The following TBC1D9B variants were observed in gnomAD, a reference collection of about 807,000 sequenced individuals.
TBC1D9B encodes the protein TBC1 domain family, member 9B (with GRAM domain).
A neutral mutation model predicts 121.1 loss-of-function variants in TBC1D9B; 87 were observed. That is an observed-to-expected ratio of 0.72 (90% confidence interval 0.60 to 0.86). The LOEUF (loss-of-function observed/expected upper bound fraction) is 0.86. TBC1D9B is among the 40% of genes least tolerant of loss of function. TBC1D9B has a pLI of 0.00. For synonymous variants in TBC1D9B, 668 were observed against 670.1 expected (o/e 1.00, Z 0.05); for missense variants, 1,540 against 1,628.6 (o/e 0.95, Z 0.94).
intron 6 of TBC1D9B, among the ~76,000 whole-genome samples, chr5:179,888,629 G>A (rs1467008904): frequency 6.6e-6 from 1 of 152,184 alleles, no homozygotes; most frequent in East Asian, 1.9e-4. Flanking sequence ...AGCAGGGCAA[G>A]CAGTCCCTTG....
chr5:179,867,629 G>T, intron 18 of TBC1D9B, 149 bp downstream of exon 18: 1 of 1,480,288 alleles, frequency 6.8e-7, no homozygotes, highest in Non-Finnish European at 9.3e-7. Context: ...GCATGGCAGA[G>T]CCCAGCCCGT....
rs752613145 is a variant in TBC1D9B, at chr5:179,863,643, C to T, written c.3507G>A (p.Ala1169=). 44 of 1,613,728 alleles carry T rather than the reference C, an allele frequency of 2.7e-5. No homozygotes were observed. In the East Asian group the frequency reaches 3.3e-4, roughly 12 times the overall value. The change falls in exon 21 of 21, where the codon GCG becomes GCA. Residue 1169 remains alanine (A), a synonymous_variant. Transcript: ENST00000355235. The surrounding 1 kb of genome is among the most constrained non-coding windows in gnomAD (Gnocchi z 4.5). ...CGGTGTCGACGGTGCCGCCGATGCG[C>T]GCTGTGGGGCTGCAGGCCTCCCCGC... ...LVGGEACSPT[A]RIGGTVDTDW...
intron 2 of TBC1D9B, among the ~76,000 whole-genome samples, chr5:179,901,847 T>C (rs1052711470): frequency 2.0e-5 from 3 of 152,260 alleles, no homozygotes; most frequent in Non-Finnish European, 4.4e-5. Flanking sequence ...ACTAAGAAAC[T>C]ATTCCATCTC....
At chr5:179,889,735 G>C (rs1760804863) in intron 6 of TBC1D9B, among the ~76,000 whole-genome samples, 1 of 151,980 alleles carries the variant, frequency 6.6e-6, no homozygotes, top group Admixed American at 6.6e-5. Flanking sequence ...ACAGCTAGGT[G>C]TGGTGGCAAG....
chr5:179,905,709 T>C (rs1761292481), intron 1 of TBC1D9B, among the ~76,000 whole-genome samples: 1 of 152,250 alleles, frequency 6.6e-6, no homozygotes, highest in Admixed American at 6.5e-5. Flanking sequence ...GATTCACTAA[T>C]TGAATTATCG....
chr5:179,871,265 A>G (rs533697908), intron 15 of TBC1D9B, among the ~76,000 whole-genome samples, 197 bp downstream of exon 15: 1 of 152,210 alleles, frequency 6.6e-6, no homozygotes, highest in Non-Finnish European at 1.5e-5. Context: ...GGTCCTGCCT[A>G]AACTCCAAGA....
chr5:179,873,148 T>C lies in TBC1D9B; in HGVS notation c.2287A>G (p.Ile763Val), dbSNP rs1021806150. ...TAGGACACTTTCAGGAGCTCAAAGA[T>C]GTCCACCTCTGCAGGGGGGTCATCG... ...SSDDPPAEVD[I>V]FELLKVSYEK... is the part of the protein sequence containing the mutation. The change falls in exon 13 of 21, where the codon ATC becomes GTC. Residue 763 changes from isoleucine (I) to valine (V), a missense_variant. By Grantham distance (29) the Ile-to-Val change is conservative. Transcript: ENST00000355235. 8 of 1,612,428 alleles carry C rather than the reference T, an allele frequency of 5.0e-6. No individual in the cohort carries two copies. The highest frequency in any genetic ancestry group is 4.4e-5 in the South Asian group (4 of 90,862).
chr5:179,867,628 A>C, intron 18 of TBC1D9B, 150 bp downstream of exon 18: 1 of 1,481,490 alleles, frequency 6.7e-7, no homozygotes, highest in Non-Finnish European at 9.3e-7. Context: ...AGCATGGCAG[A>C]GCCCAGCCCG....
intron 3 of TBC1D9B, among the ~76,000 whole-genome samples, chr5:179,897,838 T>C (rs909055576): frequency 1.3e-5 from 2 of 152,210 alleles, no homozygotes; most frequent in Non-Finnish European, 2.9e-5. Flanking sequence ...AGGTCTCACC[T>C]TGAACCCCAA....
In TBC1D9B at chr5:179,904,847, G is replaced by A; in HGVS notation, c.119-35C>T. 1 of 1,509,868 alleles carries A rather than the reference G, an allele frequency of 6.6e-7. No individual in the cohort carries two copies. The highest frequency in any genetic ancestry group is 9.0e-7 in the Non-Finnish European group (1 of 1,116,798). 93.5% of individuals were successfully genotyped at this position (1,509,868 alleles called of 1,614,324 possible). On this transcript the variant is annotated intron_variant, in intron 1 of 20. Transcript: ENST00000355235. The surrounding 1 kb of genome is among the most constrained non-coding windows in gnomAD (Gnocchi z 4.2). ...GGGCAGAGAGACATAGAGGGTGAGGGGAGGGCCGGACTGAGGCCCCTGAAG... is the reference window on the plus strand; with the variant it reads ...GGGCAGAGAGACATAGAGGGTGAGGAGAGGGCCGGACTGAGGCCCCTGAAG...
rs566462439 is a variant in TBC1D9B, at chr5:179,875,284, C to T, written c.1901-97G>A. 1,351 of 1,447,568 alleles carry T rather than the reference C, an allele frequency of 9.3e-4. 3 individuals carry two copies. The highest frequency in any genetic ancestry group is 1.1e-3 in the Non-Finnish European group (1,210 of 1,085,294). The allele number at this position is 1,447,568 out of a possible 1,614,324, so 89.7% of individuals were successfully genotyped here. On this transcript the variant is annotated intron_variant, in intron 11 of 20. Coordinates refer to ENST00000355235, the MANE Select transcript of TBC1D9B (RefSeq NM_015043.4). The surrounding 1 kb of genome is among the most constrained non-coding windows in gnomAD (Gnocchi z 4.5). ...CGAGCCCTGGCCACTCCAGCCCTGCCAGCTGTGCAGTGAGGGCTGAGGGAG... is the reference window on the plus strand; with the variant it reads ...CGAGCCCTGGCCACTCCAGCCCTGCTAGCTGTGCAGTGAGGGCTGAGGGAG...
intron 16 of TBC1D9B, 151 bp from the exon 17 acceptor site, chr5:179,869,985 C>T (rs1376303751): frequency 4.2e-6 from 4 of 945,628 alleles, no homozygotes; most frequent in Non-Finnish European, 4.6e-6. Context: ...GTCTCCCTGG[C>T]GTCCTGCTGG....
At chr5:179,893,491 C>A (rs771951936) in intron 4 of TBC1D9B, 24 bp from the exon 5 acceptor site, 1 of 1,570,392 alleles carries the variant, frequency 6.4e-7, no homozygotes, top group Admixed American at 1.8e-5. Flanking sequence ...GATAGACACA[C>A]CGCAAGTTAG....
In TBC1D9B at chr5:179,867,706, G is replaced by A. The variant is rs373390326; in HGVS notation, c.2863+72C>T. ...CAGGTGGGACTGCTGGCCACTGCCCGAGCCCCACAGGAAGGCGGCGGTGGC... is the reference window on the plus strand; with the variant it reads ...CAGGTGGGACTGCTGGCCACTGCCCAAGCCCCACAGGAAGGCGGCGGTGGC... On this transcript the variant is annotated intron_variant, in intron 18 of 20. Transcript: ENST00000355235. 1.0e-4 allele frequency: 162 copies of A among 1,596,006 alleles called. No individual in the cohort carries two copies. The South Asian group carries it at 1.7e-3, about 16-fold the overall frequency.
rs752868244 is a variant in TBC1D9B at position 179,870,405 on chromosome 5, T to C, written c.2575A>G (p.Ile859Val). The C allele has an allele frequency of 1.9e-6, 3 of 1,613,560 alleles. No individual in the cohort carries two copies. The highest frequency in any genetic ancestry group is 3.3e-5 in the Admixed American group (2 of 60,014). ...PSLPYLEQYRIDASQFRELFA... is the reference protein window; with the variant it reads ...PSLPYLEQYRVDASQFRELFA... ...AGTTCCCGGAACTGGCTGGCATCAATCCGGTACTGCTCCAGGTAGGGCAGG... is the reference window on the plus strand; with the variant it reads ...AGTTCCCGGAACTGGCTGGCATCAACCCGGTACTGCTCCAGGTAGGGCAGG... The change falls in exon 16 of 21, where the codon ATT becomes GTT. Residue 859 changes from isoleucine to valine, a missense_variant. Ile to Val is a conservative substitution (Grantham distance 29). Coordinates refer to ENST00000355235, the MANE Select transcript of TBC1D9B (RefSeq NM_015043.4).
intron 14 of TBC1D9B, 81 bp from the exon 15 acceptor site, chr5:179,871,611 C>T (rs772175047): frequency 1.1e-5 from 16 of 1,491,326 alleles, no homozygotes; most frequent in East Asian, 2.3e-5. Context: ...AGAGCATCCT[C>T]GGCAGACAAG....
Position 179,873,172 on chromosome 5 carries a change from C to A in TBC1D9B, c.2263G>T (p.Asp755Tyr). 1.2e-6 allele frequency: 2 copies of A among 1,613,194 alleles called. No individual in the cohort carries two copies. The highest frequency in any genetic ancestry group is 8.5e-7 in the Non-Finnish European group (1 of 1,179,694). The change falls in exon 13 of 21, where the codon GAT (aspartate) becomes TAT (tyrosine). Residue 755 changes from aspartate (D) to tyrosine (Y), a missense_variant. Physicochemically the swap from Asp to Tyr is radical, Grantham distance 160. Coordinates refer to ENST00000355235, the MANE Select transcript of TBC1D9B (RefSeq NM_015043.4). ...PHLRALLSSS[D>Y]DPPAEVDIFE... ...ATGTCCACCTCTGCAGGGGGGTCAT[C>A]GCTGCTGCTCAGCAAGGCACGGAGG...
chr5:179,891,231 A>G lies in TBC1D9B; in HGVS notation c.1044+148T>C. Reference sequence around the variant, plus strand: ...TTGTCCTACACCCTCCACCTGTCCCATCACTGAGTGACATGTGACTGCCTG... The same window carrying G: ...TTGTCCTACACCCTCCACCTGTCCCGTCACTGAGTGACATGTGACTGCCTG... On this transcript the variant is annotated intron_variant, in intron 6 of 20. Transcript: ENST00000355235. The surrounding 1 kb of genome is among the most constrained non-coding windows in gnomAD (Gnocchi z 4.3). 2.3e-6 allele frequency: 2 copies of G among 868,946 alleles called. No homozygotes were observed. Among genetic ancestry groups the G allele is most frequent in the Non-Finnish European group, 3.6e-6 (2 of 552,486 alleles). The allele number at this position is 868,946 out of a possible 1,614,324, so 53.8% of individuals were successfully genotyped here. A position where few individuals can be genotyped will look rare whatever the true frequency, so the allele number is the denominator to read the frequency against.
rs269469 is a variant in TBC1D9B at position 179,873,131 on chromosome 5, T to C, written c.2304A>G (p.Lys768=). The change falls in exon 13 of 21, where the codon AAA becomes AAG. Residue 768 remains lysine (K), a synonymous_variant. Coordinates refer to ENST00000355235, the MANE Select transcript of TBC1D9B (RefSeq NM_015043.4). ...ACTGGGTGCTGACCTCATAGGACACTTTCAGGAGCTCAAAGATGTCCACCT... is the reference window on the plus strand; with the variant it reads ...ACTGGGTGCTGACCTCATAGGACACCTTCAGGAGCTCAAAGATGTCCACCT... The part of the protein sequence containing the change: ...PAEVDIFELL[K]VSYEKFSSLR... The C allele has an allele frequency of 0.02, 32,492 of 1,611,446 alleles. 5,524 individuals are homozygous for C. In the African/African-American group the frequency reaches 0.37, roughly 19 times the overall value.
Sources: allele counts gnomAD v4.1 joint callset (sites outside exome capture counted in the v4.1 genomes callset), GRCh38; gene constraint gnomAD v4.1.1; non-coding constraint Gnocchi (gnomAD v3.1); transcripts MANE v1.5; gene names NCBI Gene and HGNC (gene_info 2026-07-23, HGNC 2026-07-21).